NIPAL3: variants seen among roughly 807,000 people sequenced by gnomAD.
NIPAL3 encodes NIPA like domain containing 3, also known as NIPA-like protein 3.
In NIPAL3, 41 loss-of-function variants were observed where a neutral mutation model predicts 47.2. The observed-to-expected ratio is 0.87, with a 90% CI of 0.68 to 1.13. The LOEUF (loss-of-function observed/expected upper bound fraction) is 1.13. Ranked by LOEUF, NIPAL3 falls within the 50% of genes most tolerant of loss-of-function variation. The pLI is 0.00. For synonymous variants in NIPAL3, 194 were observed against 209.6 expected, an observed-to-expected ratio of 0.93 and a Z score of 0.64; for missense variants, 449 against 530.1, an observed-to-expected ratio of 0.85 and a Z score of 1.50.
chr1:24,446,844 C>A (rs930526345), intron 5 of NIPAL3, among the ~76,000 whole-genome samples: 1 of 152,150 alleles, frequency 6.6e-6, no homozygotes, highest in Non-Finnish European at 1.5e-5. Flanking sequence ...TGAGGAATCA[C>A]CACACTGTCT....
At chr1:24,431,633 C>T (rs1438124480) in intron 2 of NIPAL3, among the ~76,000 whole-genome samples, 2 of 152,162 alleles carry the variant, frequency 1.3e-5, no homozygotes, top group African/African-American at 2.4e-5. Context: ...AGGCCAGGTC[C>T]AATGTCTTGG....
chr1:24,471,554 C>T lies in NIPAL3; in HGVS notation c.*2369C>T, dbSNP rs1646903383. ...CATGATCATGCTACTGCACTCCAGC[C>T]TGGGTGACAATGAGACCATGGCTCA... On this transcript the variant is annotated 3_prime_UTR_variant, in exon 12 of 12. Transcript: ENST00000374399. 1 of 135,014 alleles carries T rather than the reference C, an allele frequency of 7.4e-6. No homozygotes were observed. Among genetic ancestry groups the T allele is most frequent in the Non-Finnish European group, 1.5e-5 (1 of 65,332 alleles). 8.4% of individuals were successfully genotyped at this position (135,014 alleles called of 1,614,324 possible). A position where few individuals can be genotyped will look rare whatever the true frequency, so the allele number is the denominator to read the frequency against.
chr1:24,466,012 C>T, intron 11 of NIPAL3: 2 of 1,611,340 alleles, frequency 1.2e-6, no homozygotes, highest in Non-Finnish European at 1.7e-6. Flanking sequence ...AGATTCATAT[C>T]TTCACAACAG....
chr1:24,449,567 A>G lies in NIPAL3; in HGVS notation c.481A>G (p.Lys161Glu). The change falls in exon 6 of 12, where the codon AAG becomes GAG. Residue 161 changes from lysine (K) to glutamate (E), a missense_variant. Transcript: ENST00000374399. This position sits in a 1 kb window ranked among gnomAD's most constrained non-coding sequence, Gnocchi z 4.5. The stretch of plus-strand genomic sequence containing the variant: ...GACATTCGCACCCAACAGTCACGAG[A>G]AGATGACAGGCGAGAATGTCACCAG... ...LVTFAPNSHE[K>E]MTGENVTRHL... 1 of 1,614,074 alleles carries G rather than the reference A, an allele frequency of 6.2e-7. No homozygotes were observed. The highest frequency in any genetic ancestry group is 8.5e-7 in the Non-Finnish European group (1 of 1,180,018).
rs1054786437 is a variant in NIPAL3, at chr1:24,471,552, G to T, written c.*2367G>T. On this transcript the variant is annotated 3_prime_UTR_variant, in exon 12 of 12. Transcript: ENST00000374399. ...GCCATGATCATGCTACTGCACTCCA[G>T]CCTGGGTGACAATGAGACCATGGCT... The T allele has an allele frequency of 1.4e-5, 2 of 143,024 alleles. No homozygotes were observed. The highest frequency in any genetic ancestry group is 3.0e-5 in the Non-Finnish European group (2 of 66,840). 8.9% of individuals were successfully genotyped at this position (143,024 alleles called of 1,614,324 possible).
At chr1:24,426,781 G>A (rs1570205235) in intron 2 of NIPAL3, among the ~76,000 whole-genome samples, 1 of 152,270 alleles carries the variant, frequency 6.6e-6, no homozygotes, top group East Asian at 1.9e-4. Flanking sequence ...AATGGACAGT[G>A]TCAATTCTAC....
chr1:24,458,949 C>T lies in NIPAL3; in HGVS notation c.835C>T (p.Leu279=). 6.2e-7 allele frequency: 1 copy of T among 1,614,066 alleles called. No homozygotes were observed. Among genetic ancestry groups the T allele is most frequent in the Admixed American group, 1.7e-5 (1 of 60,024 alleles). ...TTTGATTGCCAGTGTGGGCTACATT[C>T]TGTCCACAACCATTGCTATCACAGC... ...SSLIASVGYI[L]STTIAITAGA... The change falls in exon 9 of 12, where the codon CTG becomes TTG. Residue 279 remains leucine (L), a synonymous_variant. Transcript: ENST00000374399.
At chr1:24,418,906 G>A (rs1400481787) in intron 1 of NIPAL3, among the ~76,000 whole-genome samples, 3 of 149,164 alleles carry the variant, frequency 2.0e-5, no homozygotes, top group South Asian at 2.1e-4. Context: ...TTCCCTTTTC[G>A]TGGTAGTGGA....
intron 11 of NIPAL3, chr1:24,465,849 TAA>T: frequency 8.0e-7 from 1 of 1,252,814 alleles, no homozygotes; most frequent in Non-Finnish European, 1.1e-6. Flanking sequence ...CCTTTTGCTT[TAA>T]AAACCTTTGG....
chr1:24,426,933 G>A (rs1220048647), intron 2 of NIPAL3, among the ~76,000 whole-genome samples: 1 of 152,232 alleles, frequency 6.6e-6, no homozygotes, highest in African/African-American at 2.4e-5. Flanking sequence ...ATATGTTCCA[G>A]TTTGCACCGT....
At chr1:24,427,825 A>T (rs1459992520) in intron 2 of NIPAL3, among the ~76,000 whole-genome samples, 2 of 152,172 alleles carry the variant, frequency 1.3e-5, no homozygotes, top group African/African-American at 4.8e-5. Flanking sequence ...ACCATACCTG[A>T]AAAAGAAAGC....
At chr1:24,457,604 C>G (rs1570358596) in intron 8 of NIPAL3, 1 of 385,262 alleles carries the variant, frequency 2.6e-6, no homozygotes, top group East Asian at 7.2e-5. Flanking sequence ...GATATTATCC[C>G]CATTTTGCAT....
Position 24,415,816 on chromosome 1 carries a change from T to C in NIPAL3, c.-346T>C, listed in dbSNP as rs1643993143. 12 of 984,222 alleles carry C rather than the reference T, an allele frequency of 1.2e-5. No individual in the cohort carries two copies. The highest frequency in any genetic ancestry group is 1.3e-5 in the Non-Finnish European group (11 of 828,826). The allele number at this position is 984,222 out of a possible 1,614,324, so 61.0% of individuals were successfully genotyped here. Reference sequence around the variant, plus strand: ...TTGGCAGCTCTGAATTGGGAAGGGATGAAGGAGGCTGTGCCTCCGGGTTGC... The same window carrying C: ...TTGGCAGCTCTGAATTGGGAAGGGACGAAGGAGGCTGTGCCTCCGGGTTGC... On this transcript the variant is annotated 5_prime_UTR_variant, in exon 1 of 12. The change abolishes an upstream ATG in the 5' untranslated region. Transcript: ENST00000374399.
intron 2 of NIPAL3, among the ~76,000 whole-genome samples, chr1:24,436,299 G>GA (rs1053361047): frequency 6.8e-6 from 1 of 147,726 alleles, no homozygotes; most frequent in Non-Finnish European, 1.5e-5. Flanking sequence ...TGGGGCTTTT[G>GA]TTTTTTTTTT....
upstream of NIPAL3, chr1:24,415,203 A>G (rs1250267360): frequency 1.3e-5 from 2 of 152,188 alleles, no homozygotes; most frequent in African/African-American, 4.8e-5. Context: ...AATTATGTAC[A>G]TTATAGAAAC....
intron 2 of NIPAL3, among the ~76,000 whole-genome samples, chr1:24,425,424 C>T (rs1408814115): frequency 1.3e-5 from 2 of 152,074 alleles, no homozygotes; most frequent in African/African-American, 4.8e-5. Flanking sequence ...AAAGATTGAA[C>T]ACCCCAATAT....
chr1:24,443,532 C>G (rs1040215663), intron 4 of NIPAL3, among the ~76,000 whole-genome samples: 7 of 152,150 alleles, frequency 4.6e-5, no homozygotes, highest in African/African-American at 1.4e-4. Flanking sequence ...GCATTCCTTC[C>G]TAGAGAGCAT....
rs1646070634 is a variant in NIPAL3, at chr1:24,454,030, C to CT, written c.637+526_637+527insT. On this transcript the variant is annotated intron_variant, in intron 7 of 11. Coordinates refer to ENST00000374399, the MANE Select transcript of NIPAL3 (RefSeq NM_020448.5). This position sits in a 1 kb window ranked among gnomAD's most constrained non-coding sequence, Gnocchi z 4.1. ...AGGCTAGAACTGCATATTAATTTTT[C>CT]CTTTTTTTTTTTTTTTGAGACAGTC... 1 of 434,154 alleles carries CT rather than the reference C, an allele frequency of 2.3e-6. No individual in the cohort carries two copies. The highest frequency in any genetic ancestry group is 2.9e-5 in the Admixed American group (1 of 34,610). 26.9% of individuals were successfully genotyped at this position (434,154 alleles called of 1,614,324 possible).
rs1021683715 is a variant in NIPAL3 at position 24,471,866 on chromosome 1, T to G, written c.*2681T>G. The G allele has an allele frequency of 6.6e-6, 1 of 152,138 alleles. No homozygotes were observed. Among genetic ancestry groups the G allele is most frequent in the African/African-American group, 2.4e-5 (1 of 41,426 alleles). 9.4% of individuals were successfully genotyped at this position (152,138 alleles called of 1,614,324 possible). Reference sequence around the variant, plus strand: ...ATTTATATATTTCTCCTTTCCCAAATGATTTTTCTAAAGCTGGGAGTGGAG... The same window carrying G: ...ATTTATATATTTCTCCTTTCCCAAAGGATTTTTCTAAAGCTGGGAGTGGAG... On this transcript the variant is annotated 3_prime_UTR_variant, in exon 12 of 12. Transcript: ENST00000374399.
Sources: allele counts gnomAD v4.1 joint callset (sites outside exome capture counted in the v4.1 genomes callset), GRCh38; gene constraint gnomAD v4.1.1; non-coding constraint Gnocchi (gnomAD v3.1); transcripts MANE v1.5; gene names NCBI Gene and HGNC (gene_info 2026-07-23, HGNC 2026-07-21).